Variants in NTN1 observed in about 807,000 individuals in gnomAD.
The protein encoded by NTN1 is netrin 1.
A neutral mutation model predicts 54.2 loss-of-function variants in NTN1; 11 were observed. The ratio of observed to expected loss-of-function variants is 0.20; its 90% CI spans 0.13 to 0.34. The LOEUF (loss-of-function observed/expected upper bound fraction) is 0.34. Ranked by LOEUF, NTN1 falls within the 10% of genes least tolerant of loss-of-function variation. NTN1 has a pLI of 1.00. For synonymous variants in NTN1, 371 were observed against 382.0 expected (o/e 0.97, Z 0.33); for missense variants, 740 against 893.1 (o/e 0.83, Z 2.18).
At chr17:9,057,752 G>A (rs1002849908) in intron 2 of NTN1, among the ~76,000 whole-genome samples, 4 of 152,186 alleles carry the variant, frequency 2.6e-5, no homozygotes, top group Admixed American at 6.5e-5. Context: ...AAAATGACAC[G>A]TGGCTCCTTT....
At chr17:9,123,927 G>A (rs1454885961) in intron 2 of NTN1, among the ~76,000 whole-genome samples, 1 of 152,190 alleles carries the variant, frequency 6.6e-6, no homozygotes, top group African/African-American at 2.4e-5. Flanking sequence ...AACACCGGGA[G>A]CGCTTACTGT....
intron 2 of NTN1, among the ~76,000 whole-genome samples, chr17:9,091,435 C>A (rs542411717): frequency 3.4e-4 from 51 of 148,308 alleles, no homozygotes; most frequent in African/African-American, 1.2e-3. Context: ...TAAACTGGAT[C>A]CTACGTTTAA....
At chr17:9,194,161 A>C (rs1430564836) in intron 5 of NTN1, among the ~76,000 whole-genome samples, 2 of 151,002 alleles carry the variant, frequency 1.3e-5, no homozygotes, top group Non-Finnish European at 3.0e-5. Flanking sequence ...GCTTGAACCC[A>C]GGAGGTGGAG....
At chr17:9,227,163 C>T (rs1395147027) in intron 6 of NTN1, among the ~76,000 whole-genome samples, 2 of 152,150 alleles carry the variant, frequency 1.3e-5, no homozygotes, top group Non-Finnish European at 2.9e-5. Flanking sequence ...CACGTCCACA[C>T]CACTCACAGG....
chr17:9,015,693 T>G, the NTN1 span, among the ~76,000 whole-genome samples: 7 of 151,980 alleles, frequency 4.6e-5, no homozygotes, highest in Admixed American at 4.6e-4. Flanking sequence ...AAACCACACA[T>G]CCCTAAGACC....
chr17:9,019,890 A>G (rs1403032957), upstream of NTN1, among the ~76,000 whole-genome samples: 2 of 152,218 alleles, frequency 1.3e-5, no homozygotes. Context: ...TTTCTGCCAC[A>G]AGGTGAGGTA....
chr17:9,137,812 C>T (rs937785021), intron 2 of NTN1, among the ~76,000 whole-genome samples: 1 of 151,786 alleles, frequency 6.6e-6, no homozygotes, highest in Non-Finnish European at 1.5e-5. Context: ...AAAAATAAAA[C>T]TGTTGACGGG....
At chr17:9,038,810 T>G (rs1251425513) in intron 2 of NTN1, among the ~76,000 whole-genome samples, 1 of 152,174 alleles carries the variant, frequency 6.6e-6, no homozygotes, top group Non-Finnish European at 1.5e-5. Context: ...TTTTTTAAAC[T>G]TACATTTCAT....
chr17:9,057,176 C>T (rs1358168578), intron 2 of NTN1, among the ~76,000 whole-genome samples: 1 of 151,552 alleles, frequency 6.6e-6, no homozygotes, highest in Non-Finnish European at 1.5e-5. Context: ...TTTTTGCCCC[C>T]CACCCCCACT....
rs2092278054 is a variant in NTN1 at position 9,135,516 on chromosome 17, T to C, written c.1019-27297T>C. Among the ~76,000 whole-genome samples the C allele has an allele frequency of 6.6e-6, 1 of 152,202 alleles. No homozygotes were observed. Among genetic ancestry groups the C allele is most frequent in the African/African-American group, 2.4e-5 (1 of 41,460 alleles). The stretch of plus-strand genomic sequence containing the variant: ...GTCAACCACTTAGTCCTCTTGACCA[T>C]GAGACTCTCCTAAGTTCTGAATGCA... On this transcript the variant is annotated intron_variant, in intron 2 of 6. Coordinates refer to ENST00000173229, the MANE Select transcript of NTN1 (RefSeq NM_004822.3). The surrounding 1 kb of genome is among the most constrained non-coding windows in gnomAD (Gnocchi z 4.4).
At chr17:9,230,723 G>A (rs1489278574) in intron 6 of NTN1, among the ~76,000 whole-genome samples, 1 of 152,178 alleles carries the variant, frequency 6.6e-6, no homozygotes, top group African/African-American at 2.4e-5. Context: ...CCATCCCGCA[G>A]AGCGGGAGCC....
At chr17:9,183,136 A>G (rs1194061657) in intron 5 of NTN1, 167 bp downstream of exon 5, 6 of 722,692 alleles carry the variant, frequency 8.3e-6, no homozygotes, top group African/African-American at 7.0e-5. Flanking sequence ...CTGGAGCTAT[A>G]GGACACTATT....
chr17:9,127,724 G>T (rs1038478539), intron 2 of NTN1, among the ~76,000 whole-genome samples: 4 of 152,178 alleles, frequency 2.6e-5, no homozygotes, highest in African/African-American at 9.7e-5. Flanking sequence ...GAGAAAACAT[G>T]TGCCACCACC....
chr17:9,210,436 C>A (rs12325978), intron 5 of NTN1, among the ~76,000 whole-genome samples: 76,933 of 143,586 alleles, frequency 0.54, 20,493 homozygotes, highest in African/African-American at 0.69. Context: ...ACACACACAC[C>A]CCCACACCCA....
the NTN1 span, among the ~76,000 whole-genome samples, chr17:9,012,597 T>C: frequency 2.0e-5 from 3 of 151,890 alleles, no homozygotes; most frequent in South Asian, 2.1e-4. Flanking sequence ...TCTGCCTGAA[T>C]GTACCCTTCC....
chr17:9,072,156 A>G (rs1191812444), intron 2 of NTN1, among the ~76,000 whole-genome samples: 1 of 151,422 alleles, frequency 6.6e-6, no homozygotes, highest in Non-Finnish European at 1.5e-5. Flanking sequence ...GTGATCCATC[A>G]TTTCCTGGGG....
At chr17:9,141,188 T>TC (rs1345812874) in intron 2 of NTN1, among the ~76,000 whole-genome samples, 2 of 150,708 alleles carry the variant, frequency 1.3e-5, no homozygotes, top group African/African-American at 2.4e-5. Flanking sequence ...GGGAGTCATT[T>TC]CCCCCCGAGA....
intron 5 of NTN1, among the ~76,000 whole-genome samples, chr17:9,210,640 C>T (rs2142346157): frequency 6.6e-6 from 1 of 152,236 alleles, no homozygotes; most frequent in East Asian, 1.9e-4. Flanking sequence ...CGGCCGGTCG[C>T]TCACATCTGT....
chr17:9,098,314 T>C (rs1010099122), intron 2 of NTN1, among the ~76,000 whole-genome samples: 8 of 152,160 alleles, frequency 5.3e-5, no homozygotes, highest in African/African-American at 1.9e-4. Flanking sequence ...CAGTGCAGGG[T>C]CTCCAGCAGT....
Sources: gnomAD v4.1 joint callset for allele counts (sites outside exome capture counted in the v4.1 genomes callset) on GRCh38, gnomAD v4.1.1 for gene constraint, Gnocchi (gnomAD v3.1) non-coding constraint, MANE v1.5 for transcripts, NCBI Gene and HGNC (gene_info 2026-07-23, HGNC 2026-07-21) for gene names.